Variants in GSE1 observed in about 807,000 individuals in gnomAD.
The protein encoded by GSE1 is genetic suppressor element 1.
Under a neutral mutation model 112.6 loss-of-function variants are expected in GSE1, and 32 were observed. That is an observed-to-expected ratio of 0.28 (90% CI 0.21 to 0.38). The LOEUF (loss-of-function observed/expected upper bound fraction) is 0.38, where lower values mean the gene tolerates loss of function less well. Ranked by LOEUF, GSE1 falls within the 10% of genes least tolerant of loss-of-function variation. GSE1 has a pLI of 1.00. For missense variants in GSE1, 2,348 were observed against 1,699.2 expected (o/e 1.38, Z -6.71); for synonymous variants, 1,115 against 735.6 (o/e 1.52, Z -8.35).
upstream of GSE1, among the ~76,000 whole-genome samples, chr16:85,612,126 G>T (rs957504017): frequency 3.7e-4 from 57 of 152,048 alleles, no homozygotes; most frequent in African/African-American, 1.3e-3. Context: ...GAGCCGCCCG[G>T]GGGGGTTACA....
chr16:85,427,528 G>C (rs541608025), intron 2 of GSE1, among the ~76,000 whole-genome samples: 1 of 152,318 alleles, frequency 6.6e-6, no homozygotes, highest in Admixed American at 6.5e-5. Context: ...TGTAATCCCA[G>C]CTACTCGGGA....
chr16:85,258,013 T>C (rs1907266596), intron 1 of GSE1, among the ~76,000 whole-genome samples: 1 of 152,172 alleles, frequency 6.6e-6, no homozygotes, highest in African/African-American at 2.4e-5. Context: ...TGCAGAGTAA[T>C]CTTGGGCAGC....
At chr16:85,446,307 C>G (rs993960204) in intron 2 of GSE1, among the ~76,000 whole-genome samples, 1 of 152,230 alleles carries the variant, frequency 6.6e-6, no homozygotes, top group African/African-American at 2.4e-5. Flanking sequence ...GGTCTCTCAG[C>G]TGTGAGACCT....
At chr16:85,492,024 G>C (rs2051026167) in intron 2 of GSE1, among the ~76,000 whole-genome samples, 1 of 152,276 alleles carries the variant, frequency 6.6e-6, no homozygotes, top group South Asian at 2.1e-4. Flanking sequence ...CCACCGAGGT[G>C]CTGGGAAGCT....
At chr16:85,279,698 G>T (rs979316294) in intron 1 of GSE1, among the ~76,000 whole-genome samples, 4 of 152,172 alleles carry the variant, frequency 2.6e-5, no homozygotes, top group African/African-American at 9.7e-5. Context: ...TGCCCGGCCT[G>T]CTCCATGGGG....
At chr16:85,196,405 G>C (rs1027593854) in intron 1 of GSE1, among the ~76,000 whole-genome samples, 2 of 152,288 alleles carry the variant, frequency 1.3e-5, no homozygotes, top group East Asian at 3.9e-4. Context: ...GGAGAGGAGA[G>C]AGCAGGGAAG....
intron 2 of GSE1, among the ~76,000 whole-genome samples, chr16:85,358,591 A>C (rs1470122287): frequency 6.6e-6 from 1 of 152,176 alleles, no homozygotes; most frequent in Non-Finnish European, 1.5e-5. Context: ...GCCTGGGGAC[A>C]GCTGGCCCAT....
chr16:85,648,046 TG>T (rs946014367), intron 2 of GSE1, among the ~76,000 whole-genome samples: 1 of 151,628 alleles, frequency 6.6e-6, no homozygotes, highest in Non-Finnish European at 1.5e-5. Flanking sequence ...TGCTTACACG[TG>T]GAGCTGCCTC....
chr16:85,248,232 G>A (rs187601482), intron 1 of GSE1, among the ~76,000 whole-genome samples: 8 of 152,110 alleles, frequency 5.3e-5, no homozygotes, highest in Admixed American at 1.3e-4. Context: ...TGCCTACTCC[G>A]CCTCGGCCTC....
chr16:85,654,033 C>G (rs1323271091), intron 3 of GSE1, among the ~76,000 whole-genome samples: 1 of 152,084 alleles, frequency 6.6e-6, no homozygotes, highest in Non-Finnish European at 1.5e-5. Context: ...CTGAGGAGGC[C>G]CAGGGAGGGA....
chr16:85,543,057 C>G (rs1033095463), intron 2 of GSE1, among the ~76,000 whole-genome samples: 1 of 152,118 alleles, frequency 6.6e-6, no homozygotes, highest in Non-Finnish European at 1.5e-5. Flanking sequence ...GAAACTCCAT[C>G]TCTACTAAAA....
At chr16:85,191,627 C>A (rs529868141) in intron 1 of GSE1, among the ~76,000 whole-genome samples, 6 of 152,302 alleles carry the variant, frequency 3.9e-5, no homozygotes, top group African/African-American at 1.4e-4. Context: ...CTCTACGTGC[C>A]GCTGTGCCTC....
intron 1 of GSE1, among the ~76,000 whole-genome samples, chr16:85,228,306 A>G (rs1455997561): frequency 4.6e-5 from 7 of 152,156 alleles, no homozygotes; most frequent in African/African-American, 1.7e-4. Context: ...CTGGGGAGCC[A>G]TTGTAGGTTT....
chr16:85,606,977 G>A (rs1567640667), upstream of GSE1, among the ~76,000 whole-genome samples: 1 of 151,394 alleles, frequency 6.6e-6, no homozygotes, highest in African/African-American at 2.4e-5. Context: ...TTTTATAGAT[G>A]CCAGCTGTCT....
At chr16:85,614,003 C>T (rs2048189190) in intron 1 of GSE1, among the ~76,000 whole-genome samples, 1 of 151,646 alleles carries the variant, frequency 6.6e-6, no homozygotes, top group African/African-American at 2.4e-5. Context: ...CCACGCCCTG[C>T]TTCCCGAGGA....
At position 85,663,583 on chromosome 16, in the gene GSE1, C is replaced by G. The variant is rs780584230; in HGVS notation, c.2613C>G (p.Asn871Lys). 3.1e-6 allele frequency: 5 copies of G among 1,613,846 alleles called. No homozygotes were observed. Among genetic ancestry groups the G allele is most frequent in the Non-Finnish European group, 4.2e-6 (5 of 1,180,028 alleles). Reference protein sequence around the residue: ...EEKKKFLTIFNLTHISAEKRK... With the variant: ...EEKKKFLTIFKLTHISAEKRK... ...AGAAGAAGTTCCTGACCATCTTCAA[C>G]CTGACCCACATCAGCGCTGAGAAGA... The change falls in exon 11 of 16, where the codon AAC becomes AAG. Residue 871 changes from asparagine to lysine, a missense_variant. Physicochemically the swap from Asn to Lys is moderately conservative, Grantham distance 94 (BLOSUM62 0). Coordinates refer to ENST00000253458, the MANE Select transcript of GSE1 (RefSeq NM_014615.5).
intron 2 of GSE1, among the ~76,000 whole-genome samples, chr16:85,517,007 C>T (rs2051969953): frequency 6.6e-6 from 1 of 152,182 alleles, no homozygotes; most frequent in Admixed American, 6.5e-5. Context: ...CCGTGTTAGC[C>T]AGGACGGTCT....
intron 1 of GSE1, among the ~76,000 whole-genome samples, chr16:85,584,495 C>T (rs2046597470): frequency 6.6e-6 from 1 of 152,234 alleles, no homozygotes; most frequent in Non-Finnish European, 1.5e-5. Flanking sequence ...TATTACCTGT[C>T]TCCGTGAGGT....
intron 2 of GSE1, among the ~76,000 whole-genome samples, chr16:85,444,112 G>A (rs1447898864): frequency 2.0e-5 from 3 of 151,308 alleles, no homozygotes; most frequent in African/African-American, 7.3e-5. Context: ...AGCCTCCGGA[G>A]TAGATGGGAC....
Sources: allele counts gnomAD v4.1 joint callset (sites outside exome capture counted in the v4.1 genomes callset), GRCh38; gene constraint gnomAD v4.1.1; transcripts MANE v1.5; gene names NCBI Gene and HGNC (gene_info 2026-07-23, HGNC 2026-07-21).